TSPAN9: variants seen among roughly 807,000 people sequenced by gnomAD.
TSPAN9 encodes the protein tetraspanin 9, also known as tetraspanin-9.
Under a neutral mutation model 31.0 loss-of-function variants are expected in TSPAN9, and 16 were observed. That is an observed-to-expected ratio of 0.52 (90% CI 0.35 to 0.78). TSPAN9 has a LOEUF of 0.78. Ranked by LOEUF, TSPAN9 falls within the 30% of genes least tolerant of loss-of-function variation. The pLI is 0.01. For missense variants in TSPAN9, 272 were observed against 312.5 expected (o/e 0.87, Z 0.98); for synonymous variants, 145 against 121.6 (o/e 1.19, Z -1.27).
intron 2 of TSPAN9, among the ~76,000 whole-genome samples, chr12:3,165,629 C>T (rs1044560640): frequency 2.0e-4 from 31 of 152,310 alleles, no homozygotes; most frequent in African/African-American, 6.0e-4. Flanking sequence ...GAGAGTTGCT[C>T]GCAAAGCTGT....
intron 3 of TSPAN9, among the ~76,000 whole-genome samples, chr12:3,217,594 T>A (rs2098382022): frequency 6.6e-6 from 1 of 152,146 alleles, no homozygotes; most frequent in Admixed American, 6.5e-5. Context: ...ATTACTCCCT[T>A]TCACTTTCCC....
At chr12:3,146,600 C>A (rs1363657129) in intron 2 of TSPAN9, among the ~76,000 whole-genome samples, 3 of 152,156 alleles carry the variant, frequency 2.0e-5, no homozygotes, top group Admixed American at 2.0e-4. Context: ...AGTTTAAATG[C>A]CTCTGTGCGC....
intron 2 of TSPAN9, among the ~76,000 whole-genome samples, chr12:3,196,984 G>T (rs2098367344): frequency 1.3e-5 from 2 of 152,188 alleles, no homozygotes; most frequent in South Asian, 4.1e-4. Flanking sequence ...AGGGCCCTCC[G>T]TGACACCAGG....
rs1240717672 is a variant in TSPAN9 at position 3,147,458 on chromosome 12, G to A, written c.-17-53719G>A. 6.6e-6 allele frequency among the ~76,000 whole-genome samples: 1 copy of A among 152,174 alleles called. No homozygotes were observed. The highest frequency in any genetic ancestry group is 1.5e-5 in the Non-Finnish European group (1 of 68,032). ...GTCCTGGTGGCATCTCCACCGACGC[G>A]ACGGGAAGTGGCCTCTCCCTCCTTC... is the stretch of plus-strand genomic sequence containing the variant. On this transcript the variant is annotated intron_variant, in intron 2 of 8. Coordinates refer to ENST00000011898, the MANE Select transcript of TSPAN9 (RefSeq NM_006675.5). The surrounding 1 kb of genome is among the most constrained non-coding windows in gnomAD (Gnocchi z 4.3).
intron 3 of TSPAN9, among the ~76,000 whole-genome samples, chr12:3,220,544 G>A (rs967822883): frequency 6.6e-6 from 1 of 152,202 alleles, no homozygotes; most frequent in East Asian, 1.9e-4. Context: ...AAGCTTCGTC[G>A]ATTCTGCTGC....
intron 2 of TSPAN9, among the ~76,000 whole-genome samples, chr12:3,104,947 G>A (rs2098313535): frequency 1.3e-5 from 2 of 152,336 alleles, no homozygotes; most frequent in East Asian, 1.9e-4. Flanking sequence ...TGGGCAGGGG[G>A]ACCCTGTTCC....
intron 3 of TSPAN9, among the ~76,000 whole-genome samples, chr12:3,271,974 G>T (rs995964229): frequency 2.6e-5 from 4 of 152,120 alleles, no homozygotes; most frequent in East Asian, 1.9e-4. Context: ...AGCTGTTTTG[G>T]TTTTTTTCTT....
intron 5 of TSPAN9, among the ~76,000 whole-genome samples, chr12:3,279,987 A>G (rs1862864212): frequency 1.4e-5 from 2 of 142,404 alleles, no homozygotes; most frequent in Admixed American, 1.4e-4. Flanking sequence ...GTGTGTTTTG[A>G]GAGGGGCAGT....
intron 3 of TSPAN9, among the ~76,000 whole-genome samples, chr12:3,226,750 A>G (rs1306886565): frequency 5.9e-4 from 1 of 1,696 alleles, no homozygotes; most frequent in African/African-American, 1.9e-3. Context: ...GTGTGTATAT[A>G]TATATATATA....
At position 3,229,716 on chromosome 12, in the gene TSPAN9, G is replaced by A. The variant is rs532459385; in HGVS notation, c.63+28460G>A. ...CTGGGTTTTGCTGAACCCAGAGTGA[G>A]AGGAAGAAGGCCTGCAGCGGTTCAT... On this transcript the variant is annotated intron_variant, in intron 3 of 8. Coordinates refer to ENST00000011898, the MANE Select transcript of TSPAN9 (RefSeq NM_006675.5). Among the ~76,000 whole-genome samples, 8 of 152,332 alleles carry A rather than the reference G, an allele frequency of 5.3e-5. No individual in the cohort carries two copies. In the South Asian group the frequency reaches 8.3e-4, roughly 16 times the overall value.
chr12:3,178,329 T>C (rs2153970946), intron 2 of TSPAN9, among the ~76,000 whole-genome samples: 1 of 151,942 alleles, frequency 6.6e-6, no homozygotes, highest in South Asian at 2.1e-4. Context: ...TCGCTCTTGT[T>C]GCCCAGGCTG....
At chr12:3,116,516 G>T (rs1326425447) in intron 2 of TSPAN9, among the ~76,000 whole-genome samples, 3 of 152,118 alleles carry the variant, frequency 2.0e-5, no homozygotes, top group Admixed American at 2.0e-4. Flanking sequence ...AGAGCCCTCC[G>T]TCCTGAGGTC....
Position 3,193,791 on chromosome 12 carries a change from CT to C in TSPAN9, c.-17-7380del, listed in dbSNP as rs201116292. Among the ~76,000 whole-genome samples, 1,128 of 152,338 alleles carry C rather than the reference CT, an allele frequency of 7.4e-3. 7 individuals carry two copies. The highest frequency in any genetic ancestry group is 0.04 in the South Asian group (194 of 4,830). On this transcript the variant is annotated intron_variant, in intron 2 of 8. Transcript: ENST00000011898. Reference sequence around the variant, plus strand: ...TGACTTGCTCCTGTCTCAGTCTTCTCTTTTTTCTACCTCAGATCTTTCCCAC... The same window carrying C: ...TGACTTGCTCCTGTCTCAGTCTTCTCTTTTTCTACCTCAGATCTTTCCCAC...
At chr12:3,238,127 C>G (rs1357709521) in intron 3 of TSPAN9, among the ~76,000 whole-genome samples, 1 of 152,172 alleles carries the variant, frequency 6.6e-6, no homozygotes, top group Non-Finnish European at 1.5e-5. Context: ...CAAAGCCCTT[C>G]TCTCTCTCTG....
At position 3,147,314 on chromosome 12, in the gene TSPAN9, C is replaced by T. The variant is rs997995765; in HGVS notation, c.-17-53863C>T. Among the ~76,000 whole-genome samples, 1 of 152,078 alleles carries T rather than the reference C, an allele frequency of 6.6e-6. No homozygotes were observed. The highest frequency in any genetic ancestry group is 1.5e-5 in the Non-Finnish European group (1 of 68,032). On this transcript the variant is annotated intron_variant, in intron 2 of 8. Coordinates refer to ENST00000011898, the MANE Select transcript of TSPAN9 (RefSeq NM_006675.5). The surrounding 1 kb of genome is among the most constrained non-coding windows in gnomAD (Gnocchi z 4.3). Reference sequence around the variant, plus strand: ...AGGGGCTGGAGAGAATGACAGGCGTCCCATGTATCCCAAAAATGCAGTGTG... The same window carrying T: ...AGGGGCTGGAGAGAATGACAGGCGTTCCATGTATCCCAAAAATGCAGTGTG...
chr12:3,141,473 C>G (rs1728515330), intron 2 of TSPAN9, among the ~76,000 whole-genome samples: 2 of 152,180 alleles, frequency 1.3e-5, no homozygotes, highest in Non-Finnish European at 2.9e-5. Flanking sequence ...GGCCCTGCTC[C>G]TCTGAGGCCC....
chr12:3,191,515 C>A (rs1015766008), intron 2 of TSPAN9, among the ~76,000 whole-genome samples: 1 of 152,262 alleles, frequency 6.6e-6, no homozygotes, highest in South Asian at 2.1e-4. Flanking sequence ...AGTTGAGGAA[C>A]CAGAGGTTGA....
chr12:3,153,001 C>T (rs1036597926), intron 2 of TSPAN9, among the ~76,000 whole-genome samples: 2 of 152,250 alleles, frequency 1.3e-5, no homozygotes, highest in African/African-American at 2.4e-5. Flanking sequence ...CCCAGGACGG[C>T]ATCTGTGCTC....
At chr12:3,268,677 CCT>C (rs1358783596) in intron 3 of TSPAN9, among the ~76,000 whole-genome samples, 1 of 118,130 alleles carries the variant, frequency 8.5e-6, no homozygotes, top group Admixed American at 8.2e-5. Context: ...TGCAGCCTGC[CCT>C]CTCTGTGTTC....
Sources: gnomAD v4.1 joint callset for allele counts (sites outside exome capture counted in the v4.1 genomes callset) on GRCh38, gnomAD v4.1.1 for gene constraint, Gnocchi (gnomAD v3.1) non-coding constraint, MANE v1.5 for transcripts, NCBI Gene and HGNC (gene_info 2026-07-23, HGNC 2026-07-21) for gene names.